Variants in SPATS2L observed in about 807,000 individuals in gnomAD.
The protein encoded by SPATS2L is spermatogenesis associated serine rich 2 like.
In SPATS2L, 30 loss-of-function variants were observed where a neutral mutation model predicts 59.6. That is an observed-to-expected ratio of 0.50 (90% CI 0.38 to 0.68). The LOEUF (loss-of-function observed/expected upper bound fraction) is 0.68. SPATS2L is among the 30% of genes least tolerant of loss of function. The pLI is 0.00. For synonymous variants in SPATS2L, 252 were observed against 263.5 expected, an observed-to-expected ratio of 0.96 and a Z score of 0.42; for missense variants, 615 against 700.0, an observed-to-expected ratio of 0.88 and a Z score of 1.37.
intron 8 of SPATS2L, among the ~76,000 whole-genome samples, chr2:200,454,348 A>T (rs1388226641): frequency 6.6e-6 from 1 of 152,234 alleles, no homozygotes; most frequent in African/African-American, 2.4e-5. Flanking sequence ...TTTGAAGAAC[A>T]CTAGGCCTGA....
intron 4 of SPATS2L, among the ~76,000 whole-genome samples, chr2:200,414,332 A>G (rs972729727): frequency 6.6e-6 from 1 of 152,148 alleles, no homozygotes; most frequent in East Asian, 1.9e-4. Flanking sequence ...GCAGTAGGAA[A>G]ACTTGATTTA....
At chr2:200,355,943 C>G (rs1030929550) in intron 2 of SPATS2L, among the ~76,000 whole-genome samples, 1 of 152,116 alleles carries the variant, frequency 6.6e-6, no homozygotes, top group African/African-American at 2.4e-5. Context: ...TCGTGTGTAC[C>G]TGTAAAACAC....
chr2:200,451,562 CAAT>C, intron 8 of SPATS2L, among the ~76,000 whole-genome samples: 1 of 152,138 alleles, frequency 6.6e-6, no homozygotes, highest in East Asian at 1.9e-4. Context: ...TTACCATGGG[CAAT>C]AACAACACCT....
chr2:200,317,811 C>G (rs939720825), intron 1 of SPATS2L, among the ~76,000 whole-genome samples: 3 of 152,096 alleles, frequency 2.0e-5, no homozygotes, highest in African/African-American at 7.2e-5. Context: ...CTATTCTTTG[C>G]TGATAGATTA....
At chr2:200,396,122 G>T (rs1442804124) in intron 3 of SPATS2L, among the ~76,000 whole-genome samples, 2 of 113,522 alleles carry the variant, frequency 1.8e-5, no homozygotes, top group African/African-American at 7.0e-5. Context: ...ATGAGAAAAA[G>T]AACATAAAAG....
At chr2:200,441,022 A>G (rs2084660260) in intron 8 of SPATS2L, among the ~76,000 whole-genome samples, 1 of 152,206 alleles carries the variant, frequency 6.6e-6, no homozygotes, top group African/African-American at 2.4e-5. Context: ...AGTTGGCCCA[A>G]AACTATGAAT....
chr2:200,323,829 A>C (rs17531484), intron 1 of SPATS2L, among the ~76,000 whole-genome samples: 16,220 of 152,284 alleles, frequency 0.11, 931 homozygotes, highest in Non-Finnish European at 0.13. Context: ...AAAGACTATA[A>C]GGTAGAAAAA....
chr2:200,472,807 A>T, intron 11 of SPATS2L, 25 bp from the exon 12 acceptor site: 1 of 1,600,722 alleles, frequency 6.2e-7, no homozygotes, highest in Non-Finnish European at 8.6e-7. Context: ...TGCAGCTCGT[A>T]ACACTGAGCA....
At chr2:200,306,344 C>A, upstream of SPATS2L, 1 of 1,002,220 alleles carries the variant, frequency 1.0e-6, no homozygotes, top group Non-Finnish European at 1.2e-6. Flanking sequence ...CAAAATCTTT[C>A]ATTAACAAGG....
Position 200,412,399 on chromosome 2 carries a change from C to T in SPATS2L, c.128C>T (p.Ala43Val). The T allele has an allele frequency of 6.2e-7, 1 of 1,601,460 alleles. No individual in the cohort carries two copies. Among genetic ancestry groups the T allele is most frequent in the South Asian group, 1.1e-5 (1 of 88,174 alleles). The change falls in exon 4 of 13, where the codon GCC becomes GTC. Residue 43 changes from alanine to valine, a missense_variant. Physicochemically the swap from Ala to Val is moderately conservative, Grantham distance 64. Coordinates refer to ENST00000409140, the MANE Select transcript of SPATS2L (RefSeq NM_001100423.2). ...CAGTTTGATTTTAATGTGGATAAAG[C>T]CGTGCAAGCCTTTGTGGATGGTAGG... ...LQQFDFNVDKAVQAFVDGSAI... is the reference protein window; with the variant it reads ...LQQFDFNVDKVVQAFVDGSAI...
chr2:200,346,545 TG>T (rs745417645), intron 2 of SPATS2L, among the ~76,000 whole-genome samples: 2 of 152,216 alleles, frequency 1.3e-5, no homozygotes, highest in Non-Finnish European at 2.9e-5. Flanking sequence ...AATAAACTAT[TG>T]TTTTTTTGTT....
chr2:200,396,447 C>A (rs752693084), intron 3 of SPATS2L, among the ~76,000 whole-genome samples: 3 of 152,050 alleles, frequency 2.0e-5, no homozygotes, highest in Non-Finnish European at 4.4e-5. Context: ...GTCTGTGTGT[C>A]GTGGTGTCTG....
intron 8 of SPATS2L, among the ~76,000 whole-genome samples, chr2:200,441,104 A>G (rs1340836885): frequency 6.6e-6 from 1 of 152,208 alleles, no homozygotes; most frequent in Admixed American, 6.5e-5. Flanking sequence ...CTGGAAGGCT[A>G]ATATCATGAA....
chr2:200,331,194 T>A (rs555115489), intron 2 of SPATS2L, among the ~76,000 whole-genome samples: 2 of 152,334 alleles, frequency 1.3e-5, no homozygotes, highest in East Asian at 3.9e-4. Flanking sequence ...TGTGGACACA[T>A]AAGCCATATA....
At chr2:200,356,343 A>G (rs1327730775) in intron 2 of SPATS2L, among the ~76,000 whole-genome samples, 3 of 152,218 alleles carry the variant, frequency 2.0e-5, no homozygotes, top group East Asian at 1.9e-4. Flanking sequence ...CTCACTGGCA[A>G]TGAACATACA....
chr2:200,419,710 A>ATTT (rs3033399), intron 6 of SPATS2L, among the ~76,000 whole-genome samples: 2,822 of 131,628 alleles, frequency 0.021, 95 homozygotes, highest in African/African-American at 0.065. Flanking sequence ...AAGTCAGAGG[A>ATTT]TTTTTTTTTT....
chr2:200,319,564 CAAAAAAA>C (rs56210295), intron 1 of SPATS2L, among the ~76,000 whole-genome samples: 1 of 51,002 alleles, frequency 2.0e-5, no homozygotes, highest in East Asian at 5.9e-4. Context: ...GACCCCACCT[CAAAAAAA>C]AAAAAAAAAA....
At chr2:200,339,692 C>T (rs1574437408) in intron 2 of SPATS2L, among the ~76,000 whole-genome samples, 1 of 152,050 alleles carries the variant, frequency 6.6e-6, no homozygotes, top group East Asian at 1.9e-4. Flanking sequence ...TTCTTAGGGA[C>T]TTTTAGAAAT....
intron 3 of SPATS2L, among the ~76,000 whole-genome samples, chr2:200,408,420 G>C (rs1238338764): frequency 6.6e-6 from 1 of 152,192 alleles, no homozygotes. Context: ...TGAATTGCAG[G>C]GGAGAGACTG....
Sources: allele counts gnomAD v4.1 joint callset (sites outside exome capture counted in the v4.1 genomes callset), GRCh38; gene constraint gnomAD v4.1.1; transcripts MANE v1.5; gene names NCBI Gene and HGNC (gene_info 2026-07-23, HGNC 2026-07-21).